ZNF609: variants seen among roughly 807,000 people sequenced by gnomAD.
ZNF609 encodes the protein zinc finger protein 609.
Under a neutral mutation model 109.5 loss-of-function variants are expected in ZNF609, and 11 were observed. The ratio of observed to expected loss-of-function variants is 0.10; its 90% CI spans 0.06 to 0.17. The LOEUF is 0.17. ZNF609 is among the 10% of genes least tolerant of loss of function. ZNF609 has a pLI of 1.00. For synonymous variants in ZNF609, 646 were observed against 662.0 expected (o/e 0.98, Z 0.37); for missense variants, 1,559 against 1,772.4 (o/e 0.88, Z 2.16).
chr15:64,478,175 TGTG>T, intron 1 of ZNF609, among the ~76,000 whole-genome samples: 1 of 149,566 alleles, frequency 6.7e-6, no homozygotes, highest in East Asian at 1.9e-4. Flanking sequence ...TGTGTGTGTG[TGTG>T]TGTGTGTGTG....
chr15:64,595,753 A>G (rs1050126882), intron 2 of ZNF609, among the ~76,000 whole-genome samples: 2 of 152,190 alleles, frequency 1.3e-5, no homozygotes, highest in Non-Finnish European at 2.9e-5. Context: ...CCTCCTTTGT[A>G]AGATAATTAC....
chr15:64,539,149 G>A (rs185893541), intron 2 of ZNF609, among the ~76,000 whole-genome samples: 643 of 148,702 alleles, frequency 4.3e-3, no homozygotes, highest in African/African-American at 6.3e-3. Context: ...GACTGCAGGC[G>A]CCTGCCACCA....
intron 2 of ZNF609, among the ~76,000 whole-genome samples, chr15:64,551,384 G>A (rs1015812934): frequency 1.3e-5 from 2 of 152,036 alleles, no homozygotes; most frequent in East Asian, 3.9e-4. Context: ...TGCTTGGCGC[G>A]GTGGCTCACG....
intron 2 of ZNF609, among the ~76,000 whole-genome samples, chr15:64,551,304 T>A (rs1366325782): frequency 6.6e-6 from 1 of 152,178 alleles, no homozygotes; most frequent in Non-Finnish European, 1.5e-5. Context: ...GACCCATTGT[T>A]TTTACCTCCA....
chr15:64,462,795 C>T (rs1264584282), intron 1 of ZNF609, among the ~76,000 whole-genome samples: 3 of 152,120 alleles, frequency 2.0e-5, no homozygotes, highest in African/African-American at 7.2e-5. Context: ...AAGTCTATAT[C>T]TGCCTCTGTA....
rs550256971 is a variant in ZNF609 at position 64,485,419 on chromosome 15, A to C, written c.-127-13874A>C. On this transcript the variant is annotated intron_variant, in intron 1 of 9. Transcript: ENST00000326648. ...ATAAAATATGTTTAACGGCGGTAGAAATTTAAAAATGGAAGATAAAGTGTT... is the reference window on the plus strand; with the variant it reads ...ATAAAATATGTTTAACGGCGGTAGACATTTAAAAATGGAAGATAAAGTGTT... Among the ~76,000 whole-genome samples, 85 of 152,350 alleles carry C rather than the reference A, an allele frequency of 5.6e-4. 1 individual carries two copies. The highest frequency in any genetic ancestry group is 2.0e-3 in the African/African-American group (83 of 41,586).
intron 3 of ZNF609, among the ~76,000 whole-genome samples, chr15:64,645,791 C>T (rs911438837): frequency 9.2e-5 from 14 of 152,076 alleles, no homozygotes; most frequent in African/African-American, 3.4e-4. Flanking sequence ...TGCTCAGAAT[C>T]ATTAATTATA....
chr15:64,599,311 T>C (rs1023540230), intron 2 of ZNF609, among the ~76,000 whole-genome samples: 6 of 152,030 alleles, frequency 3.9e-5, no homozygotes, highest in Non-Finnish European at 8.8e-5. Context: ...TCTTTTTCTT[T>C]CAGTGATGGA....
chr15:64,650,812 A>G (rs1377383940), intron 3 of ZNF609, among the ~76,000 whole-genome samples: 1 of 151,062 alleles, frequency 6.6e-6, no homozygotes, highest in African/African-American at 2.4e-5. Flanking sequence ...CAGAGTGTAC[A>G]TCTTCACCTA....
At chr15:64,485,242 G>C (rs962290832) in intron 1 of ZNF609, among the ~76,000 whole-genome samples, 1 of 152,000 alleles carries the variant, frequency 6.6e-6, no homozygotes, top group Non-Finnish European at 1.5e-5. Context: ...AAAAAATTCA[G>C]CTTTTAAAGA....
chr15:64,537,748 A>G (rs1468517440), intron 2 of ZNF609, among the ~76,000 whole-genome samples: 3 of 152,208 alleles, frequency 2.0e-5, no homozygotes, highest in Non-Finnish European at 4.4e-5. Flanking sequence ...GGCAGAACAC[A>G]AACTGTAATA....
chr15:64,561,691 T>G (rs1894684058), intron 2 of ZNF609, among the ~76,000 whole-genome samples: 1 of 152,088 alleles, frequency 6.6e-6, no homozygotes, highest in Middle Eastern at 3.4e-3. Context: ...CCACCATGCC[T>G]GGGCAGTCTC....
chr15:64,639,792 G>T (rs1367736406), intron 3 of ZNF609, among the ~76,000 whole-genome samples: 1 of 152,178 alleles, frequency 6.6e-6, no homozygotes, highest in African/African-American at 2.4e-5. Flanking sequence ...ATTGTCACAA[G>T]TTGGAGAGAG....
At chr15:64,617,681 G>A (rs1327560184) in intron 2 of ZNF609, among the ~76,000 whole-genome samples, 1 of 152,152 alleles carries the variant, frequency 6.6e-6, no homozygotes, top group Non-Finnish European at 1.5e-5. Context: ...TTGGGAGGCT[G>A]AGGTAGGAGA....
rs1404193437 is a variant in ZNF609, at chr15:64,674,179, A to C, written c.1325A>C (p.Asn442Thr). ...ASPSSANKRK[N>T]KPLSDMELNS... ...CCTTCCTCAGCTAATAAGCGGAAAA[A>C]CAAACCCCTTTCAGACATGGAGCTG... is the stretch of plus-strand genomic sequence containing the variant. The change falls in exon 5 of 10, where the codon AAC (asparagine) becomes ACC (threonine). Residue 442 changes from asparagine (N) to threonine (T), a missense_variant. Asn to Thr is a moderately conservative substitution (Grantham distance 65). This residue lies in a region of ZNF609 where 1,204 missense variants were observed against 1,314.1 expected (regional missense o/e 0.92). Transcript: ENST00000326648. The C allele has an allele frequency of 6.2e-7, 1 of 1,614,140 alleles. No individual in the cohort carries two copies. Among genetic ancestry groups the C allele is most frequent in the Non-Finnish European group, 8.5e-7 (1 of 1,180,026 alleles).
intron 3 of ZNF609, among the ~76,000 whole-genome samples, chr15:64,660,134 C>G (rs1393595160): frequency 6.6e-6 from 1 of 152,148 alleles, no homozygotes; most frequent in Non-Finnish European, 1.5e-5. Context: ...CACACCTGGC[C>G]TCAAAACATT....
rs188089474 is a variant in ZNF609 at position 64,586,197 on chromosome 15, G to T, written c.748-36630G>T. Among the ~76,000 whole-genome samples, 137 of 151,950 alleles carry T rather than the reference G, an allele frequency of 9.0e-4. 1 individual carries two copies. The highest frequency in any genetic ancestry group is 3.0e-3 in the African/African-American group (125 of 41,430). On this transcript the variant is annotated intron_variant, in intron 2 of 9. Transcript: ENST00000326648. Reference sequence around the variant, plus strand: ...AAAAATTAGCCGGGCGTGGTGGCACGCACCTGTAGTCCCAGCTACTCGGGA... The same window carrying T: ...AAAAATTAGCCGGGCGTGGTGGCACTCACCTGTAGTCCCAGCTACTCGGGA...
intron 3 of ZNF609, among the ~76,000 whole-genome samples, chr15:64,644,821 A>G (rs1482743918): frequency 6.6e-6 from 1 of 152,206 alleles, no homozygotes; most frequent in African/African-American, 2.4e-5. Flanking sequence ...GCAATCATCT[A>G]CTAAGTCACA....
rs186133480 is a variant in ZNF609 at position 64,678,139 on chromosome 15, A to G, written c.3426A>G (p.Thr1142=). ...YRQEAEPRMW[T]YVYPAKYSDI... ...AGGAGGCAGAGCCCCGGATGTGGAC[A>G]TATGTTTATCCTGCCAAGTACTCAG... Residue 1142 remains threonine (T), a synonymous_variant, in exon 6 of 10, where the codon ACA becomes ACG. Coordinates refer to ENST00000326648, the MANE Select transcript of ZNF609 (RefSeq NM_015042.2). 4 of 1,613,876 alleles carry G rather than the reference A, an allele frequency of 2.5e-6. No homozygotes were observed. The highest frequency in any genetic ancestry group is 2.7e-5 in the African/African-American group (2 of 75,014).
Sources: allele counts gnomAD v4.1 joint callset (sites outside exome capture counted in the v4.1 genomes callset), GRCh38; gene constraint gnomAD v4.1.1; regional missense constraint gnomAD v4.1.1; transcripts MANE v1.5; gene names NCBI Gene and HGNC (gene_info 2026-07-23, HGNC 2026-07-21).